Variants in BCAR3 observed in about 807,000 individuals in gnomAD.
BCAR3 encodes the protein BCAR3 adaptor protein, NSP family member, also known as breast cancer anti-estrogen resistance protein 3.
BCAR3 carries 37 observed loss-of-function variants against 80.1 expected under a neutral mutation model. The ratio of observed to expected loss-of-function variants is 0.46; its 90% CI spans 0.36 to 0.61. The LOEUF (loss-of-function observed/expected upper bound fraction) is 0.61, where lower values mean the gene tolerates loss of function less well. Among genes scored for constraint, BCAR3 ranks in the 20% least tolerant of loss-of-function variants. BCAR3 has a pLI of 0.00. For missense variants in BCAR3, 978 were observed against 1,068.2 expected, an observed-to-expected ratio of 0.92 and a Z score of 1.18; for synonymous variants, 389 against 418.9, an observed-to-expected ratio of 0.93 and a Z score of 0.87.
At chr1:93,755,664 T>C (rs1651717847) in intron 2 of BCAR3, among the ~76,000 whole-genome samples, 2 of 152,190 alleles carry the variant, frequency 1.3e-5, no homozygotes, top group African/African-American at 4.8e-5. Context: ...GTTTGCACAA[T>C]GATAAAATCA....
At chr1:93,699,825 GCACACACA>G (rs144302941) in intron 3 of BCAR3, among the ~76,000 whole-genome samples, 115 of 150,538 alleles carry the variant, frequency 7.6e-4, no homozygotes, top group African/African-American at 2.6e-3. Flanking sequence ...ACACACAGGT[GCACACACA>G]CACACACACA....
intron 2 of BCAR3, chr1:93,720,431 G>C (rs1165430290): frequency 3.3e-5 from 5 of 152,266 alleles, no homozygotes; most frequent in African/African-American, 1.2e-4. Flanking sequence ...ACCTAACTTT[G>C]GAGTATCCTT....
chr1:93,766,355 TG>T (rs1436564478), intron 2 of BCAR3, among the ~76,000 whole-genome samples: 1 of 152,202 alleles, frequency 6.6e-6, no homozygotes, highest in East Asian at 1.9e-4. Context: ...TGCATGTGTT[TG>T]GGGTAAAGTG....
At chr1:93,660,218 G>A (rs115328379) in intron 2 of BCAR3, among the ~76,000 whole-genome samples, 2,002 of 152,290 alleles carry the variant, frequency 0.013, 43 homozygotes, top group African/African-American at 0.046. Flanking sequence ...CCTCATTAAG[G>A]AGATAATTTA....
chr1:93,734,297 TA>T (rs1650901970), intron 2 of BCAR3, among the ~76,000 whole-genome samples: 2 of 152,226 alleles, frequency 1.3e-5, no homozygotes, highest in South Asian at 4.1e-4. Context: ...AGTGCATGGA[TA>T]TATTTTCAGG....
At chr1:93,616,343 G>C (rs777742024) in intron 3 of BCAR3, among the ~76,000 whole-genome samples, 7 of 152,212 alleles carry the variant, frequency 4.6e-5, no homozygotes, top group Non-Finnish European at 8.8e-5. Context: ...GTCAAGGAGA[G>C]AGACTAAAAT....
chr1:93,633,972 C>G (rs1415085708), intron 3 of BCAR3, among the ~76,000 whole-genome samples: 2 of 152,206 alleles, frequency 1.3e-5, no homozygotes, highest in South Asian at 2.1e-4. Context: ...TTGCATTCAG[C>G]AAAAGTCACC....
intron 2 of BCAR3, among the ~76,000 whole-genome samples, chr1:93,794,834 CT>C (rs1653217995): frequency 1.1e-4 from 1 of 8,898 alleles, no homozygotes; most frequent in Non-Finnish European, 1.8e-4. Context: ...TTCAGGAGCT[CT>C]TTTAGGGCAG....
Position 93,749,027 on chromosome 1 carries a change from T to A in BCAR3, c.-62-42885A>T, listed in dbSNP as rs558235317. ...AACTAAATTATCATTAAGTTTAGAATTACAAGATGATCTGCATTAACTACA... is the reference window on the plus strand; with the variant it reads ...AACTAAATTATCATTAAGTTTAGAAATACAAGATGATCTGCATTAACTACA... On this transcript the variant is annotated intron_variant, in intron 2 of 13. Coordinates refer to the BCAR3 transcript ENST00000370244. Among the ~76,000 whole-genome samples the A allele has an allele frequency of 1.0e-3, 153 of 152,284 alleles. 1 individual carries two copies. Among genetic ancestry groups the A allele is most frequent in the African/African-American group, 3.4e-3 (141 of 41,568 alleles).
At chr1:93,678,246 C>G (rs768991556) in intron 1 of BCAR3, among the ~76,000 whole-genome samples, 7 of 152,164 alleles carry the variant, frequency 4.6e-5, no homozygotes, top group Non-Finnish European at 1.0e-4. Context: ...TTTTGGTACA[C>G]AGCAATTGAG....
At chr1:93,819,212 G>T (rs1025979637) in intron 2 of BCAR3, among the ~76,000 whole-genome samples, 1 of 152,076 alleles carries the variant, frequency 6.6e-6, no homozygotes, top group Non-Finnish European at 1.5e-5. Flanking sequence ...GATTACAGGC[G>T]TGTGCTGCCA....
intron 2 of BCAR3, among the ~76,000 whole-genome samples, chr1:93,748,840 C>G (rs1651446179): frequency 6.6e-6 from 1 of 152,148 alleles, no homozygotes; most frequent in Non-Finnish European, 1.5e-5. Context: ...TGTCTCAGCC[C>G]TCCAGCTAGA....
At chr1:93,838,474 C>G (rs987476527) in intron 2 of BCAR3, among the ~76,000 whole-genome samples, 1 of 152,174 alleles carries the variant, frequency 6.6e-6, no homozygotes, top group Non-Finnish European at 1.5e-5. Context: ...CCAAATACCC[C>G]CCACTAGGTC....
intron 2 of BCAR3, among the ~76,000 whole-genome samples, chr1:93,765,816 A>T (rs962854228): frequency 1.3e-5 from 2 of 151,698 alleles, no homozygotes; most frequent in Non-Finnish European, 2.9e-5. Context: ...ATAGGCGCCC[A>T]CCACCATGCC....
At chr1:93,745,088 C>A (rs893482671) in intron 2 of BCAR3, among the ~76,000 whole-genome samples, 1 of 152,254 alleles carries the variant, frequency 6.6e-6, no homozygotes, top group African/African-American at 2.4e-5. Context: ...GTGACAGCAA[C>A]TCTCTTTCCC....
At chr1:93,627,198 A>G (rs1359177315) in intron 3 of BCAR3, among the ~76,000 whole-genome samples, 2 of 152,252 alleles carry the variant, frequency 1.3e-5, no homozygotes, top group African/African-American at 2.4e-5. Context: ...TGTAACATTT[A>G]TAAGATCTGC....
chr1:93,819,212 G>A (rs1025979637), intron 2 of BCAR3, among the ~76,000 whole-genome samples: 6 of 152,076 alleles, frequency 3.9e-5, no homozygotes, highest in Non-Finnish European at 5.9e-5. Context: ...GATTACAGGC[G>A]TGTGCTGCCA....
At chr1:93,631,022 A>G (rs2101898581) in intron 3 of BCAR3, among the ~76,000 whole-genome samples, 1 of 152,328 alleles carries the variant, frequency 6.6e-6, no homozygotes, top group Middle Eastern at 3.4e-3. Flanking sequence ...TAAAATAGAA[A>G]TGTTTCTATT....
chr1:93,742,541 T>G (rs1651213216), intron 2 of BCAR3, among the ~76,000 whole-genome samples: 1 of 152,220 alleles, frequency 6.6e-6, no homozygotes, highest in Admixed American at 6.5e-5. Flanking sequence ...CAGGTTCCAT[T>G]TTCTCTAATT....
Sources: gnomAD v4.1 joint callset for allele counts (sites outside exome capture counted in the v4.1 genomes callset) on GRCh38, gnomAD v4.1.1 for gene constraint, MANE v1.5 for transcripts, NCBI Gene and HGNC (gene_info 2026-07-23, HGNC 2026-07-21) for gene names.